Variants in DOP1A observed in about 807,000 individuals in gnomAD.
DOP1A encodes the protein DOP1 leucine zipper like protein A.
A neutral mutation model predicts 267.6 loss-of-function variants in DOP1A; 90 were observed. The ratio of observed to expected loss-of-function variants is 0.34; its 90% confidence interval spans 0.28 to 0.40. The LOEUF (loss-of-function observed/expected upper bound fraction) is 0.40, where lower values mean the gene tolerates loss of function less well. DOP1A is among the 10% of genes least tolerant of loss of function. DOP1A has a pLI of 1.00. For missense variants in DOP1A, 2,437 were observed against 2,900.4 expected (o/e 0.84, Z 3.67); for synonymous variants, 932 against 999.1 (o/e 0.93, Z 1.27).
chr6:83,115,436 A>G (rs576280315), intron 7 of DOP1A, among the ~76,000 whole-genome samples: 1 of 152,210 alleles, frequency 6.6e-6, no homozygotes, highest in African/African-American at 2.4e-5. Flanking sequence ...AATACAATAC[A>G]TTGTGGCCGG....
chr6:83,113,298 G>C (rs1209768462), intron 6 of DOP1A, 25 bp from the exon 7 acceptor site: 8 of 1,579,938 alleles, frequency 5.1e-6, no homozygotes, highest in Non-Finnish European at 6.9e-6. Context: ...ATAGACAATA[G>C]ATGTTAAAGA....
At chr6:83,140,683 T>A (rs1779477013) in intron 23 of DOP1A, among the ~76,000 whole-genome samples, 1 of 152,062 alleles carries the variant, frequency 6.6e-6, no homozygotes, top group Non-Finnish European at 1.5e-5. Context: ...TCATGGCCAT[T>A]TGCACTCACT....
intron 1 of DOP1A, chr6:83,072,970 C>A: frequency 2.7e-6 from 1 of 369,568 alleles, no homozygotes. Flanking sequence ...AAAAATAGAA[C>A]ATAGTACAGT....
chr6:83,085,268 T>A (rs1768905741), intron 1 of DOP1A, among the ~76,000 whole-genome samples: 1 of 152,228 alleles, frequency 6.6e-6, no homozygotes, highest in Admixed American at 6.5e-5. Flanking sequence ...CAGCCACTAT[T>A]ATGGGACTGC....
chr6:83,104,478 A>G (rs1048934238), intron 4 of DOP1A, among the ~76,000 whole-genome samples: 2 of 152,080 alleles, frequency 1.3e-5, no homozygotes, highest in African/African-American at 4.8e-5. Context: ...GAGAATGGCT[A>G]TGATTTTACA....
intron 17 of DOP1A, among the ~76,000 whole-genome samples, chr6:83,131,264 T>G (rs767899832): frequency 6.6e-6 from 1 of 152,106 alleles, no homozygotes; most frequent in Non-Finnish European, 1.5e-5. Flanking sequence ...AAAAAAAAGT[T>G]TAAAAATCTG....
chr6:83,149,071 C>T lies in DOP1A; in HGVS notation c.5837+208C>T, dbSNP rs369440586. Reference sequence around the variant, plus strand: ...GAGGAGGAAACAGTCTATGTTTATACATATACAAAATGTAACTACACTAAC... The same window carrying T: ...GAGGAGGAAACAGTCTATGTTTATATATATACAAAATGTAACTACACTAAC... On this transcript the variant is annotated intron_variant, in intron 27 of 38. Coordinates refer to ENST00000349129, the MANE Select transcript of DOP1A (RefSeq NM_015018.4). Among the ~76,000 whole-genome samples, 49 of 151,636 alleles carry T rather than the reference C, an allele frequency of 3.2e-4. 1 individual carries two copies. In the East Asian group the frequency reaches 8.3e-3, roughly 26 times the overall value.
intron 4 of DOP1A, among the ~76,000 whole-genome samples, chr6:83,105,299 A>G (rs911102614): frequency 1.3e-5 from 2 of 149,444 alleles, no homozygotes; most frequent in African/African-American, 4.9e-5. Flanking sequence ...TTAAAATATT[A>G]TTAAAGAGAA....
chr6:83,151,903 G>A lies in DOP1A; in HGVS notation c.5925G>A (p.Val1975=). The A allele has an allele frequency of 6.2e-7, 1 of 1,613,684 alleles. No homozygotes were observed. Among genetic ancestry groups the A allele is most frequent in the Non-Finnish European group, 8.5e-7 (1 of 1,179,786 alleles). ...TTTAGGATGTAACTCACAAAATAGT[G>A]GATGCAATTGGTGCAATTGCTGGTT... The part of the protein sequence containing the change: ...RDLQDVTHKI[V]DAIGAIAGSS... The change falls in exon 29 of 39, where the codon GTG becomes GTA. Residue 1975 remains valine (V), a synonymous_variant. Coordinates refer to ENST00000349129, the MANE Select transcript of DOP1A (RefSeq NM_015018.4).
chr6:83,158,145 C>T (rs142058035), intron 35 of DOP1A, among the ~76,000 whole-genome samples: 2,664 of 152,038 alleles, frequency 0.018, 79 homozygotes, highest in African/African-American at 0.06. Flanking sequence ...ACTACAGGCA[C>T]CTGCCACCAC....
chr6:83,148,933 G>A (rs1214050220), intron 27 of DOP1A, 70 bp downstream of exon 27: 1 of 915,726 alleles, frequency 1.1e-6, no homozygotes, highest in South Asian at 2.2e-5. Flanking sequence ...CCAAGTATTA[G>A]TAATAGATAT....
At chr6:83,086,732 G>A (rs564643442) in intron 1 of DOP1A, among the ~76,000 whole-genome samples, 18 of 152,206 alleles carry the variant, frequency 1.2e-4, no homozygotes, top group African/African-American at 4.3e-4. Flanking sequence ...TTTTATACGG[G>A]TTTTTTTCCT....
intron 1 of DOP1A, among the ~76,000 whole-genome samples, chr6:83,070,511 A>G (rs1284490926): frequency 6.6e-6 from 1 of 152,198 alleles, no homozygotes; most frequent in Non-Finnish European, 1.5e-5. Flanking sequence ...TTTAGTAGAT[A>G]TATATGCACC....
intron 38 of DOP1A, chr6:83,167,149 G>C: frequency 1.1e-6 from 1 of 916,382 alleles, no homozygotes; most frequent in Non-Finnish European, 1.3e-6. Flanking sequence ...CTACTAAAAG[G>C]TAGTTTTAGA....
intron 1 of DOP1A, among the ~76,000 whole-genome samples, chr6:83,094,984 G>A (rs914547854): frequency 1.4e-4 from 22 of 152,116 alleles, no homozygotes; most frequent in African/African-American, 5.1e-4. Context: ...CCAGGCTGGG[G>A]TGCAGCGGCG....
At chr6:83,152,227 CACACAT>C in intron 29 of DOP1A, 55 bp from the exon 30 acceptor site, 3 of 945,304 alleles carry the variant, frequency 3.2e-6, no homozygotes, top group East Asian at 2.8e-5. Context: ...CACACACACA[CACACAT>C]AAAATTTATT....
At position 83,071,828 on chromosome 6, in the gene DOP1A, A is replaced by C. The variant is rs967705889; in HGVS notation, c.-147+4049A>C. Among the ~76,000 whole-genome samples the C allele has an allele frequency of 3.3e-5, 5 of 152,352 alleles. No homozygotes were observed. The East Asian group carries it at 9.6e-4, about 29-fold the overall frequency. ...ATGTTACATCCTACTAGGGTACATT[A>C]GCCTTAAGATAAACATTTGAATCTA... On this transcript the variant is annotated intron_variant, in intron 1 of 38. Coordinates refer to ENST00000349129, the MANE Select transcript of DOP1A (RefSeq NM_015018.4).
chr6:83,078,584 C>A (rs1299175143), intron 1 of DOP1A, among the ~76,000 whole-genome samples: 1 of 152,140 alleles, frequency 6.6e-6, no homozygotes, highest in Non-Finnish European at 1.5e-5. Flanking sequence ...GATGATGGTG[C>A]TGTTGACAGT....
downstream of DOP1A, chr6:83,168,567 A>T: frequency 2.0e-6 from 2 of 998,272 alleles, no homozygotes; most frequent in Non-Finnish European, 2.4e-6. Flanking sequence ...TTCCTTCTCC[A>T]TCAGAGGCTG....
Sources: gnomAD v4.1 joint callset for allele counts (sites outside exome capture counted in the v4.1 genomes callset) on GRCh38, gnomAD v4.1.1 for gene constraint, MANE v1.5 for transcripts, NCBI Gene and HGNC (gene_info 2026-07-23, HGNC 2026-07-21) for gene names.